TRIP11: variants seen among roughly 807,000 people sequenced by gnomAD.
TRIP11 encodes thyroid hormone receptor interactor 11, also known as thyroid receptor-interacting protein 11.
Under a neutral mutation model 223.1 loss-of-function variants are expected in TRIP11, and 148 were observed. The observed-to-expected ratio is 0.66, with a 90% CI of 0.58 to 0.76. The LOEUF is 0.76. TRIP11 is among the 30% of genes least tolerant of loss of function. TRIP11 has a pLI of 0.00. For synonymous variants in TRIP11, 762 were observed against 772.6 expected, an observed-to-expected ratio of 0.99 and a Z score of 0.23; for missense variants, 2,043 against 2,222.0, an observed-to-expected ratio of 0.92 and a Z score of 1.62.
intron 11 of TRIP11, 151 bp from the exon 12 acceptor site, chr14:92,000,259 G>C (rs944446820): frequency 1.5e-6 from 2 of 1,314,268 alleles, no homozygotes; most frequent in Non-Finnish European, 2.1e-6. Flanking sequence ...GAGACTCCTA[G>C]TTAATTTAAA....
rs890681931 is a variant in TRIP11 at position 92,021,753 on chromosome 14, C to A, written c.391G>T (p.Val131Leu). The A allele has an allele frequency of 2.5e-5, 40 of 1,614,204 alleles. No individual in the cohort carries two copies. Among genetic ancestry groups the A allele is most frequent in the Non-Finnish European group, 3.2e-5 (38 of 1,180,030 alleles). Residue 131 changes from valine (V) to leucine (L), a missense_variant, in exon 4 of 21, where the codon GTA becomes TTA. Physicochemically the swap from Val to Leu is conservative, Grantham distance 32 (BLOSUM62 1). Coordinates refer to ENST00000267622, the MANE Select transcript of TRIP11 (RefSeq NM_004239.4). ...LLKLQSAAQS[V>L]PSGAGVPATT... ...GCTGGTACACCAGCTCCTGAAGGTA[C>A]TGACTGAGCAGCTGACTGCAGTTTC...
At chr14:91,993,219 G>A (rs930840008) in intron 15 of TRIP11, among the ~76,000 whole-genome samples, 1 of 151,962 alleles carries the variant, frequency 6.6e-6, no homozygotes, top group Admixed American at 6.6e-5. Flanking sequence ...GCTCTCACCT[G>A]TAATCCCAGC....
chr14:91,983,088 A>G (rs968772270), intron 16 of TRIP11, among the ~76,000 whole-genome samples: 1 of 152,204 alleles, frequency 6.6e-6, no homozygotes, highest in African/African-American at 2.4e-5. Context: ...CCATTCAAGT[A>G]ATTTCAAGTG....
rs115017488 is a variant in TRIP11 at position 92,021,442 on chromosome 14, T to C, written c.588+114A>G. 2.0e-3 allele frequency: 2,104 copies of C among 1,042,668 alleles called. 40 individuals are homozygous for C. In the South Asian group the frequency reaches 0.023, roughly 11 times the overall value. The allele number at this position is 1,042,668 out of a possible 1,614,324, so 64.6% of individuals were successfully genotyped here. A position where few individuals can be genotyped will look rare whatever the true frequency, so the allele number is the denominator to read the frequency against. The stretch of plus-strand genomic sequence containing the variant: ...ACTGACGGAATTAGAATACACCTTT[T>C]CTATTTCCTAGTCCAGGGTTCTTTC... On this transcript the variant is annotated intron_variant, in intron 4 of 20. Transcript: ENST00000267622.
At chr14:92,007,534 T>G in intron 10 of TRIP11, 106 bp downstream of exon 10, 1 of 1,254,320 alleles carries the variant, frequency 8.0e-7, no homozygotes. Context: ...CCAAAAAGGT[T>G]TGTCAATCTC....
intron 10 of TRIP11, 58 bp from the exon 11 acceptor site, chr14:92,006,506 A>G: frequency 1.3e-6 from 2 of 1,529,592 alleles, no homozygotes; most frequent in Non-Finnish European, 1.8e-6. Context: ...GTACTCAAAG[A>G]AAATTTTATA....
intron 7 of TRIP11, among the ~76,000 whole-genome samples, chr14:92,012,316 AAC>A (rs1342471659): frequency 1.3e-5 from 2 of 152,222 alleles, no homozygotes; most frequent in African/African-American, 4.8e-5. Context: ...TACACAAAAA[AAC>A]ACAGCTGAAA....
Position 92,003,750 on chromosome 14 carries a change from A to C in TRIP11, c.4226T>G (p.Leu1409Arg). The C allele has an allele frequency of 6.2e-7, 1 of 1,614,148 alleles. No individual in the cohort carries two copies. The highest frequency in any genetic ancestry group is 1.3e-5 in the African/African-American group (1 of 75,048). ...KEKQDVLQKL[L>R]KEKDLLIKAK... Reference sequence around the variant, plus strand: ...TTTGATTAAGAGGTCTTTTTCCTTAAGTAACTTTTGCAAAACATCTTGTTT... The same window carrying C: ...TTTGATTAAGAGGTCTTTTTCCTTACGTAACTTTTGCAAAACATCTTGTTT... The change falls in exon 11 of 21, where the codon CTT (leucine) becomes CGT (arginine). Residue 1409 changes from leucine to arginine, a missense_variant. By Grantham distance (102) the Leu-to-Arg change is moderately radical. Transcript: ENST00000267622.
intron 16 of TRIP11, among the ~76,000 whole-genome samples, chr14:91,980,455 G>C (rs780810183): frequency 9.9e-5 from 15 of 152,198 alleles, no homozygotes; most frequent in Non-Finnish European, 2.1e-4. Flanking sequence ...CCTATCACCA[G>C]GGCCAGACTT....
Position 92,004,904 on chromosome 14 carries a change from T to G in TRIP11, c.3072A>C (p.Gly1024=), listed in dbSNP as rs970788095. The G allele has an allele frequency of 1.9e-6, 3 of 1,613,962 alleles. No homozygotes were observed. Among genetic ancestry groups the G allele is most frequent in the Non-Finnish European group, 2.5e-6 (3 of 1,180,006 alleles). The part of the protein sequence containing the change: ...SKAETERLVK[G]IKERELEIKL... ...TAATCTCCAGTTCTCGCTCTTTTAT[T>G]CCTTTCACTAATCTTTCCGTTTCAG... Residue 1024 remains glycine, a synonymous_variant, in exon 11 of 21, where the codon GGA becomes GGC. Transcript: ENST00000267622.
intron 4 of TRIP11, among the ~76,000 whole-genome samples, chr14:92,020,926 C>T (rs2057105140): frequency 6.6e-6 from 1 of 151,464 alleles, no homozygotes; most frequent in Admixed American, 6.6e-5. Flanking sequence ...AAAAATTAGC[C>T]AGGCATGGTG....
intron 16 of TRIP11, among the ~76,000 whole-genome samples, chr14:91,980,095 A>C (rs2056518351): frequency 6.6e-6 from 1 of 152,204 alleles, no homozygotes; most frequent in African/African-American, 2.4e-5. Context: ...AAAACTTGCC[A>C]TATCAGAGTC....
chr14:92,012,797 G>C (rs138892321), intron 7 of TRIP11, among the ~76,000 whole-genome samples: 1 of 152,184 alleles, frequency 6.6e-6, no homozygotes, highest in African/African-American at 2.4e-5. Context: ...GCAGGAACTA[G>C]ATCATGAGAG....
At chr14:92,022,276 T>G (rs963712126) in intron 3 of TRIP11, among the ~76,000 whole-genome samples, 1 of 152,206 alleles carries the variant, frequency 6.6e-6, no homozygotes, top group East Asian at 1.9e-4. Context: ...TGGCTGGATG[T>G]AGGCTTAAAA....
At chr14:91,984,768 T>G (rs1566847721) in intron 16 of TRIP11, among the ~76,000 whole-genome samples, 1 of 152,190 alleles carries the variant, frequency 6.6e-6, no homozygotes, top group South Asian at 2.1e-4. Flanking sequence ...AGCAATTCCA[T>G]GGAATTCTGA....
chr14:91,998,295 G>A (rs746881499), intron 13 of TRIP11, among the ~76,000 whole-genome samples: 10 of 152,132 alleles, frequency 6.6e-5, no homozygotes, highest in South Asian at 4.2e-4. Flanking sequence ...TAGAAGTTCC[G>A]TTTCTCAAAA....
At chr14:91,996,238 T>C (rs1240315645) in intron 13 of TRIP11, among the ~76,000 whole-genome samples, 1 of 152,240 alleles carries the variant, frequency 6.6e-6, no homozygotes, top group Admixed American at 6.5e-5. Flanking sequence ...AAATTCAAGT[T>C]AAATTTCAAA....
At chr14:92,011,892 A>T in intron 7 of TRIP11, 97 bp from the exon 8 acceptor site, 1 of 1,095,470 alleles carries the variant, frequency 9.1e-7, no homozygotes, top group Non-Finnish European at 1.4e-6. Flanking sequence ...TAAAGTGTAT[A>T]TAAGCACCAC....
intron 16 of TRIP11, among the ~76,000 whole-genome samples, chr14:91,983,231 C>G (rs1411463096): frequency 6.6e-6 from 1 of 152,240 alleles, no homozygotes; most frequent in East Asian, 1.9e-4. Context: ...CTGTAAACCT[C>G]CTGAAGGCAG....
Sources: allele counts gnomAD v4.1 joint callset (sites outside exome capture counted in the v4.1 genomes callset), GRCh38; gene constraint gnomAD v4.1.1; transcripts MANE v1.5; gene names NCBI Gene and HGNC (gene_info 2026-07-23, HGNC 2026-07-21).